CHD1L: variants seen among roughly 807,000 people sequenced by gnomAD.
CHD1L encodes ATP-dependent chromatin remodeler CHD1L.
Under a neutral mutation model 115.9 loss-of-function variants are expected in CHD1L, and 118 were observed. The observed-to-expected ratio is 1.02, with a 90% confidence interval of 0.88 to 1.19. The LOEUF is 1.19. CHD1L is among the 50% of genes most tolerant of loss of function. The pLI is 0.00. For synonymous variants in CHD1L, 411 were observed against 387.1 expected, an observed-to-expected ratio of 1.06 and a Z score of -0.72; for missense variants, 1,179 against 1,065.3, an observed-to-expected ratio of 1.11 and a Z score of -1.49.
rs587672602 is a variant in CHD1L, at chr1:147,293,535, C to T, written c.2392-73C>T. On this transcript the variant is annotated intron_variant, in intron 20 of 22. Transcript: ENST00000369258. ...AGTGACCCATCAAGGGCTGTGCCGC[C>T]TCCATGGGCGGTCACTTGGTTGAGT... The T allele has an allele frequency of 8.5e-6, 11 of 1,294,598 alleles. No homozygotes were observed. In the South Asian group the frequency reaches 1.1e-4, roughly 13 times the overall value. The allele number at this position is 1,294,598 out of a possible 1,614,324, so 80.2% of individuals were successfully genotyped here. A position where few individuals can be genotyped will look rare whatever the true frequency, so the allele number is the denominator to read the frequency against.
chr1:147,268,790 C>T lies in CHD1L; in HGVS notation c.997C>T (p.Pro333Ser). ...DHPYLFDGVEPEPFEVGDHLT... is the reference protein window; with the variant it reads ...DHPYLFDGVESEPFEVGDHLT... ...GGTTCTTTCTTTTCTAGGTGTGGAG[C>T]CGGAGCCTTTTGAAGTTGGAGACCA... Residue 333 changes from proline (P) to serine (S), a missense_variant, in exon 10 of 23, where the codon CCG becomes TCG. Transcript: ENST00000369258. The T allele has an allele frequency of 6.2e-7, 1 of 1,613,032 alleles. No individual in the cohort carries two copies. Among genetic ancestry groups the T allele is most frequent in the Non-Finnish European group, 8.5e-7 (1 of 1,179,362 alleles).
At chr1:147,289,739 G>T (rs151168648) in intron 19 of CHD1L, among the ~76,000 whole-genome samples, 21 of 152,342 alleles carry the variant, frequency 1.4e-4, no homozygotes, top group African/African-American at 4.3e-4. Context: ...ACTATTCCTT[G>T]TCTGTGGGTA....
intron 15 of CHD1L, among the ~76,000 whole-genome samples, chr1:147,281,938 T>TATGG (rs1681050704): frequency 6.6e-6 from 1 of 152,240 alleles, no homozygotes. Context: ...TGGTTATATA[T>TATGG]TTGTGGTGAG....
At chr1:147,208,881 A>G in the CHD1L span, 8 of 1,613,960 alleles carry the variant, frequency 5.0e-6, no homozygotes, top group African/African-American at 9.3e-5. Context: ...CAAACATTTC[A>G]TGGTCAAACC....
At chr1:147,272,418 C>A in intron 12 of CHD1L, 137 bp downstream of exon 12, 1 of 618,888 alleles carries the variant, frequency 1.6e-6, no homozygotes. Flanking sequence ...AGGTACTGGA[C>A]ATCAAGCATG....
At chr1:147,178,035 A>G in the CHD1L span, 1 of 685,308 alleles carries the variant, frequency 1.5e-6, no homozygotes, top group Non-Finnish European at 2.3e-6. Context: ...AAGTGGTAAA[A>G]TAGGTGGTCG....
At chr1:147,206,275 T>G in the CHD1L span, among the ~76,000 whole-genome samples, 1 of 151,870 alleles carries the variant, frequency 6.6e-6, no homozygotes, top group African/African-American at 2.4e-5. Context: ...CAACAGGTGC[T>G]GGAGAGGATG....
chr1:147,283,274 G>A (rs1553963133), intron 15 of CHD1L, among the ~76,000 whole-genome samples: 1 of 152,060 alleles, frequency 6.6e-6, no homozygotes, highest in African/African-American at 2.4e-5. Context: ...TTAGATTTGG[G>A]TACAAGTGTG....
chr1:147,245,034 A>G (rs1553933055), intron 1 of CHD1L, among the ~76,000 whole-genome samples: 2 of 152,212 alleles, frequency 1.3e-5, no homozygotes, highest in Non-Finnish European at 2.9e-5. Flanking sequence ...ACATTTGGAT[A>G]TTCATCTTTG....
chr1:147,223,154 T>C, the CHD1L span, among the ~76,000 whole-genome samples: 1 of 152,122 alleles, frequency 6.6e-6, no homozygotes, highest in Non-Finnish European at 1.5e-5. Context: ...GTGACAGAAA[T>C]AAGGTTTGAG....
At chr1:147,252,783 C>G (rs1553937398) in intron 2 of CHD1L, 48 bp downstream of exon 2, 1 of 1,401,424 alleles carries the variant, frequency 7.1e-7, no homozygotes, top group South Asian at 1.2e-5. Context: ...GCGATACTTC[C>G]TTATAACTCA....
chr1:147,186,339 C>T, the CHD1L span: 1 of 977,348 alleles, frequency 1.0e-6, no homozygotes, highest in East Asian at 1.1e-4. Context: ...GTTTCAAGTA[C>T]ACTAGTGAAT....
chr1:147,281,376 T>C (rs1680777006), intron 15 of CHD1L, among the ~76,000 whole-genome samples: 1 of 152,138 alleles, frequency 6.6e-6, no homozygotes, highest in South Asian at 2.1e-4. Context: ...GAGCTGGTTT[T>C]GGGGGTTCAT....
At chr1:147,215,738 C>T in the CHD1L span, 3 of 1,561,060 alleles carry the variant, frequency 1.9e-6, no homozygotes, top group Non-Finnish European at 2.6e-6. Context: ...ACAAAGATAC[C>T]CACACAATTT....
chr1:147,280,945 T>C (rs587670892), intron 15 of CHD1L, among the ~76,000 whole-genome samples: 3 of 152,314 alleles, frequency 2.0e-5, no homozygotes, highest in East Asian at 3.9e-4. Context: ...CTTTTAATTA[T>C]ACACAATAGT....
At chr1:147,194,064 T>C in the CHD1L span, among the ~76,000 whole-genome samples, 1 of 152,166 alleles carries the variant, frequency 6.6e-6, no homozygotes, top group Non-Finnish European at 1.5e-5. Context: ...GGTATCCTTG[T>C]TAACCTTCTG....
chr1:147,177,292 C>A, the CHD1L span, among the ~76,000 whole-genome samples: 53 of 151,988 alleles, frequency 3.5e-4, no homozygotes, highest in Non-Finnish European at 6.3e-4. Context: ...TAGAATAATT[C>A]AAAAAATAAG....
chr1:147,198,850 C>CAAAAAAAAAAAA, the CHD1L span, among the ~76,000 whole-genome samples: 28 of 51,672 alleles, frequency 5.4e-4, no homozygotes, highest in East Asian at 1.5e-3. Flanking sequence ...GACTGCATCT[C>CAAAAAAAAAAAA]AAAAAAAAAA....
intron 1 of CHD1L, among the ~76,000 whole-genome samples, chr1:147,247,224 C>G (rs587728595): frequency 5.3e-5 from 8 of 152,244 alleles, no homozygotes; most frequent in African/African-American, 1.7e-4. Context: ...TTGGGGTTTT[C>G]TGGCCCTGCT....
Sources: allele counts gnomAD v4.1 joint callset (sites outside exome capture counted in the v4.1 genomes callset), GRCh38; gene constraint gnomAD v4.1.1; transcripts MANE v1.5; gene names NCBI Gene and HGNC (gene_info 2026-07-23, HGNC 2026-07-21).